ROBO2: variants seen among roughly 807,000 people sequenced by gnomAD.
The protein encoded by ROBO2 is roundabout guidance receptor 2.
ROBO2 carries 53 observed loss-of-function variants against 160.8 expected under a neutral mutation model. The ratio of observed to expected loss-of-function variants is 0.33; its 90% CI spans 0.26 to 0.41. The LOEUF (loss-of-function observed/expected upper bound fraction) is 0.41. ROBO2 is among the 10% of genes least tolerant of loss of function. The pLI is 1.00. For missense variants in ROBO2, 1,577 were observed against 1,722.4 expected (o/e 0.92, Z 1.49); for synonymous variants, 664 against 611.7 (o/e 1.09, Z -1.26).
chr3:76,634,935 C>G (rs574612384), intron 2 of ROBO2, among the ~76,000 whole-genome samples: 1 of 152,122 alleles, frequency 6.6e-6, no homozygotes, highest in Admixed American at 6.5e-5. Flanking sequence ...TTGTGAATTG[C>G]GCATGCAAGG....
At chr3:75,932,030 T>C (rs7630881) in intron 1 of ROBO2, among the ~76,000 whole-genome samples, 21,036 of 152,094 alleles carry the variant, frequency 0.14, 4,746 homozygotes, top group African/African-American at 0.47. Flanking sequence ...TCAACGTATA[T>C]TAATGAATGA....
chr3:75,962,268 A>G (rs1253175446), intron 2 of ROBO2, among the ~76,000 whole-genome samples: 1 of 151,844 alleles, frequency 6.6e-6, no homozygotes, highest in Non-Finnish European at 1.5e-5. Flanking sequence ...ACAATGGGAT[A>G]GCACATCCAA....
intron 1 of ROBO2, among the ~76,000 whole-genome samples, chr3:77,094,136 C>A (rs2070723583): frequency 6.6e-6 from 1 of 152,078 alleles, no homozygotes. Flanking sequence ...AGCACTTGCC[C>A]AGACCCCCTT....
At chr3:76,214,001 G>A (rs369265983) in intron 2 of ROBO2, among the ~76,000 whole-genome samples, 4 of 152,074 alleles carry the variant, frequency 2.6e-5, no homozygotes, top group African/African-American at 7.2e-5. Flanking sequence ...AAATGTTAAC[G>A]TCTTCCAGAA....
chr3:76,937,572 A>T (rs2077791681), intron 2 of ROBO2, among the ~76,000 whole-genome samples: 1 of 146,228 alleles, frequency 6.8e-6, no homozygotes, highest in African/African-American at 2.8e-5. Context: ...CAATAAAATA[A>T]AATAGTAATC....
Position 76,583,192 on chromosome 3 carries a change from G to A in ROBO2, c.110-514822G>A, listed in dbSNP as rs562578235. Reference sequence around the variant, plus strand: ...TATCACATGGATTTGAGAATTCCCTGAGGATAGAGACTGTAATGTTTTAAC... The same window carrying A: ...TATCACATGGATTTGAGAATTCCCTAAGGATAGAGACTGTAATGTTTTAAC... On this transcript the variant is annotated intron_variant, in intron 2 of 26. Transcript: ENST00000487694. Among the ~76,000 whole-genome samples the A allele has an allele frequency of 1.4e-4, 21 of 152,274 alleles. No individual in the cohort carries two copies. In the South Asian group the frequency reaches 3.5e-3, roughly 26 times the overall value.
At chr3:76,574,519 T>C (rs2085163109) in intron 2 of ROBO2, among the ~76,000 whole-genome samples, 1 of 152,088 alleles carries the variant, frequency 6.6e-6, no homozygotes, top group African/African-American at 2.4e-5. Flanking sequence ...AAGAAAACCT[T>C]TTAATATTGA....
rs190726891 is a variant in ROBO2 at position 76,985,305 on chromosome 3, G to A, written c.110-112709G>A. Among the ~76,000 whole-genome samples the A allele has an allele frequency of 1.4e-4, 22 of 151,932 alleles. 1 individual carries two copies. The highest frequency in any genetic ancestry group is 7.8e-4 in the East Asian group (4 of 5,156). ...TTTATAAAATGAAGATAATCTGGCC[G>A]GGCACGGTGGCTCACACCTGTAATC... On this transcript the variant is annotated intron_variant, in intron 2 of 26. Transcript: ENST00000487694.
intron 2 of ROBO2, among the ~76,000 whole-genome samples, chr3:77,344,709 T>G: frequency 6.6e-6 from 1 of 152,102 alleles, no homozygotes; most frequent in East Asian, 1.9e-4. Flanking sequence ...AGATAAAAAA[T>G]AGTAAGATCA....
chr3:75,943,307 G>C (rs1193999422), intron 2 of ROBO2, among the ~76,000 whole-genome samples: 1 of 152,024 alleles, frequency 6.6e-6, no homozygotes, highest in African/African-American at 2.4e-5. Context: ...AACTTAATTT[G>C]TTCTTTAAGG....
chr3:76,801,588 T>A (rs1167036), intron 2 of ROBO2, among the ~76,000 whole-genome samples: 25,538 of 141,742 alleles, frequency 0.18, 2,508 homozygotes, highest in Non-Finnish European at 0.23. Context: ...GTTTTTTTTT[T>A]AAAAAAAGAA....
intron 2 of ROBO2, among the ~76,000 whole-genome samples, chr3:76,240,709 A>G (rs569178943): frequency 6.0e-4 from 92 of 152,216 alleles, no homozygotes; most frequent in African/African-American, 2.0e-3. Flanking sequence ...CACACCGTTC[A>G]TCTAAATCAC....
Position 76,697,262 on chromosome 3 carries a change from A to AT in ROBO2, c.110-400746dup, listed in dbSNP as rs200525070. On this transcript the variant is annotated intron_variant, in intron 2 of 26. Coordinates refer to the ROBO2 transcript ENST00000487694. ...CTAAATACTGTTTTTTCTTTAATGT[A>AT]TTTTTTCTGATATTCATTTAATCAA... 7.6e-3 allele frequency among the ~76,000 whole-genome samples: 1,154 copies of AT among 152,140 alleles called. 14 individuals are homozygous for AT. The highest frequency in any genetic ancestry group is 0.022 in the African/African-American group (893 of 41,516).
intron 2 of ROBO2, among the ~76,000 whole-genome samples, chr3:76,917,164 A>G (rs79155312): frequency 0.027 from 4,154 of 152,260 alleles, 159 homozygotes; most frequent in African/African-American, 0.094. Flanking sequence ...CAGTGCAATA[A>G]TGATTCTACT....
chr3:77,343,552 A>T (rs1215821969), intron 2 of ROBO2, among the ~76,000 whole-genome samples: 2 of 152,126 alleles, frequency 1.3e-5, no homozygotes, highest in Non-Finnish European at 1.5e-5. Flanking sequence ...ATGCAGGGGG[A>T]TACAGACTAA....
chr3:77,626,866 T>A lies in ROBO2; in HGVS notation c.3760+4434T>A, dbSNP rs1395792472. Among the ~76,000 whole-genome samples the A allele has an allele frequency of 5.9e-5, 9 of 152,212 alleles. No homozygotes were observed. In the South Asian group the frequency reaches 1.7e-3, roughly 28 times the overall value. On this transcript the variant is annotated intron_variant, in intron 23 of 25. Transcript: ENST00000461745. ...TCATGGCTCTATATTTTGTGTTACG[T>A]TTTTGGAGGTTTGTTGTGGAACTCC... is the stretch of plus-strand genomic sequence containing the variant.
chr3:76,145,243 C>T (rs1193103522), intron 2 of ROBO2, among the ~76,000 whole-genome samples: 1 of 151,964 alleles, frequency 6.6e-6, no homozygotes, highest in African/African-American at 2.4e-5. Flanking sequence ...ATAGAAATAG[C>T]AATTTCTAAG....
At chr3:76,490,958 GT>G (rs148645066) in intron 2 of ROBO2, among the ~76,000 whole-genome samples, 3 of 148,420 alleles carry the variant, frequency 2.0e-5, no homozygotes, top group Admixed American at 6.7e-5. Flanking sequence ...GATTAATTTT[GT>G]TTTTTTTTTG....
intron 2 of ROBO2, among the ~76,000 whole-genome samples, chr3:76,596,043 G>T (rs1029747698): frequency 6.6e-6 from 1 of 152,036 alleles, no homozygotes; most frequent in East Asian, 1.9e-4. Context: ...GGCAATGAAT[G>T]TTTATTTCTT....
Sources: allele counts gnomAD v4.1 joint callset (sites outside exome capture counted in the v4.1 genomes callset), GRCh38; gene constraint gnomAD v4.1.1; transcripts MANE v1.5; gene names NCBI Gene and HGNC (gene_info 2026-07-23, HGNC 2026-07-21).